The following CCDC7 variants were observed in gnomAD, a reference collection of about 807,000 sequenced individuals.
CCDC7 encodes the protein coiled-coil domain-containing protein 7.
CCDC7 carries 183 observed loss-of-function variants against 196.9 expected under a neutral mutation model. That is an observed-to-expected ratio of 0.93 (90% confidence interval 0.82 to 1.05). CCDC7 has a LOEUF of 1.05. CCDC7 is among the 50% of genes least tolerant of loss of function. The probability of loss-of-function intolerance (pLI) is 0.00; values close to 1 mark genes in which losing one functional copy is unlikely to be tolerated. For missense variants in CCDC7, 1,540 were observed against 1,482.2 expected (o/e 1.04, Z -0.64); for synonymous variants, 525 against 484.6 (o/e 1.08, Z -1.10).
At chr10:32,747,738 G>A (rs2133359512) in intron 28 of CCDC7, among the ~76,000 whole-genome samples, 1 of 152,284 alleles carries the variant, frequency 6.6e-6, no homozygotes, top group East Asian at 1.9e-4. Flanking sequence ...TAGAGAAAAG[G>A]GAAGGCTTAT....
chr10:32,815,720 G>T (rs1044610467), intron 31 of CCDC7, among the ~76,000 whole-genome samples: 5 of 152,122 alleles, frequency 3.3e-5, no homozygotes, highest in Non-Finnish European at 7.3e-5. Flanking sequence ...TGTTGAAAAA[G>T]AAAGAGAAAA....
At chr10:32,801,981 A>G (rs930319048) in intron 29 of CCDC7, among the ~76,000 whole-genome samples, 4 of 152,090 alleles carry the variant, frequency 2.6e-5, no homozygotes, top group African/African-American at 9.7e-5. Context: ...TTCTTTTCCA[A>G]TCAATGTCCT....
chr10:32,575,739 G>C (rs2058110472), intron 16 of CCDC7, among the ~76,000 whole-genome samples: 1 of 152,088 alleles, frequency 6.6e-6, no homozygotes, highest in Non-Finnish European at 1.5e-5. Flanking sequence ...GGAAGAAAGA[G>C]AATCACCGGG....
chr10:32,533,576 T>C (rs1327178654), intron 11 of CCDC7, among the ~76,000 whole-genome samples: 1 of 152,104 alleles, frequency 6.6e-6, no homozygotes, highest in East Asian at 1.9e-4. Context: ...GCATTTTTTA[T>C]AAGATGGGTC....
chr10:32,855,139 G>T (rs2093700121), intron 41 of CCDC7, among the ~76,000 whole-genome samples: 1 of 151,572 alleles, frequency 6.6e-6, no homozygotes, highest in South Asian at 2.1e-4. Flanking sequence ...ACCACTCAAA[G>T]TGATCTAAGG....
chr10:32,567,550 C>A, intron 14 of CCDC7, 120 bp from the exon 16 acceptor site: 1 of 1,180,500 alleles, frequency 8.5e-7, no homozygotes, highest in Non-Finnish European at 1.2e-6. Context: ...CTCCCTTCAA[C>A]TCAGTAAAAA....
intron 18 of CCDC7, among the ~76,000 whole-genome samples, chr10:32,613,369 G>A (rs1356066479): frequency 6.7e-6 from 1 of 149,926 alleles, no homozygotes; most frequent in Non-Finnish European, 1.5e-5. Flanking sequence ...CTAGCTCCTG[G>A]ATTCATTGAT....
chr10:32,742,388 G>A (rs1363142541), intron 28 of CCDC7, among the ~76,000 whole-genome samples: 1 of 152,116 alleles, frequency 6.6e-6, no homozygotes, highest in Non-Finnish European at 1.5e-5. Flanking sequence ...CACTGTTGGT[G>A]TTCGTATTCT....
At chr10:32,512,699 A>G (rs1280698092) in intron 9 of CCDC7, 1 of 152,228 alleles carries the variant, frequency 6.6e-6, no homozygotes, top group African/African-American at 2.4e-5. Flanking sequence ...CTGGGAGAAA[A>G]GATTTGTGCT....
At chr10:32,669,646 G>A (rs1470342180) in intron 21 of CCDC7, among the ~76,000 whole-genome samples, 14 of 151,910 alleles carry the variant, frequency 9.2e-5, no homozygotes, top group Admixed American at 9.2e-4. Context: ...ATTTCTTCAC[G>A]GTTATTGAAA....
chr10:32,707,239 A>G (rs1389549713), intron 24 of CCDC7, among the ~76,000 whole-genome samples: 3 of 152,256 alleles, frequency 2.0e-5, no homozygotes, highest in Non-Finnish European at 4.4e-5. Context: ...GTGTCAATAG[A>G]TGCAGAAAAG....
At chr10:32,769,230 G>A (rs993994879) in intron 28 of CCDC7, among the ~76,000 whole-genome samples, 6 of 151,966 alleles carry the variant, frequency 3.9e-5, no homozygotes, top group South Asian at 2.1e-4. Flanking sequence ...TGGTTCAGTC[G>A]TGGAAGGTTG....
intron 21 of CCDC7, among the ~76,000 whole-genome samples, chr10:32,682,326 C>G (rs1038685728): frequency 6.6e-6 from 1 of 152,064 alleles, no homozygotes; most frequent in South Asian, 2.1e-4. Context: ...TTCCTTCCAG[C>G]CTTATCAATG....
At position 32,696,447 on chromosome 10, in the gene CCDC7, T is replaced by C. The variant is rs546336782; in HGVS notation, c.2458+1455T>C. 2.2e-4 allele frequency among the ~76,000 whole-genome samples: 34 copies of C among 151,952 alleles called. No individual in the cohort carries two copies. The South Asian group carries it at 4.4e-3, about 19-fold the overall frequency. On this transcript the variant is annotated intron_variant, in intron 24 of 41. Transcript: ENST00000639629. ...GGGCCTCCATTCCTCACTGGGGACA[T>C]AGGGACATTGGCCATGTCATAGTCT...
At chr10:32,781,837 A>G (rs184978225) in intron 29 of CCDC7, among the ~76,000 whole-genome samples, 119 of 152,378 alleles carry the variant, frequency 7.8e-4, no homozygotes, top group Middle Eastern at 3.4e-3. Flanking sequence ...GATGATAGAT[A>G]GTTAACATCC....
At chr10:32,533,509 T>G (rs749865974) in intron 11 of CCDC7, among the ~76,000 whole-genome samples, 1 of 152,100 alleles carries the variant, frequency 6.6e-6, no homozygotes. Context: ...TGGAAAAGTT[T>G]TTTTTTATTT....
At chr10:32,691,364 A>C (rs777906289) in intron 23 of CCDC7, among the ~76,000 whole-genome samples, 1 of 152,052 alleles carries the variant, frequency 6.6e-6, no homozygotes, top group Non-Finnish European at 1.5e-5. Context: ...TCCATCATTG[A>C]TTAACTAGAC....
intron 21 of CCDC7, among the ~76,000 whole-genome samples, chr10:32,672,604 G>A (rs1369267417): frequency 6.6e-6 from 1 of 152,152 alleles, no homozygotes; most frequent in Non-Finnish European, 1.5e-5. Flanking sequence ...TTTCCTGGTG[G>A]GGATGGCTCT....
chr10:32,863,617 A>G (rs1345610561), intron 41 of CCDC7, among the ~76,000 whole-genome samples: 1 of 151,962 alleles, frequency 6.6e-6, no homozygotes, highest in Non-Finnish European at 1.5e-5. Flanking sequence ...ATTTTTGACA[A>G]GGACTCCAGG....
Sources: allele counts gnomAD v4.1 joint callset (sites outside exome capture counted in the v4.1 genomes callset), GRCh38; gene constraint gnomAD v4.1.1; transcripts MANE v1.5; gene names NCBI Gene and HGNC (gene_info 2026-07-23, HGNC 2026-07-21).